UNK: variants seen among roughly 807,000 people sequenced by gnomAD.
The protein encoded by UNK is RING finger protein unkempt homolog.
UNK carries 32 observed loss-of-function variants against 97.6 expected under a neutral mutation model. The ratio of observed to expected loss-of-function variants is 0.33; its 90% CI spans 0.25 to 0.44. The LOEUF is 0.44. Among genes scored for constraint, UNK ranks in the 20% least tolerant of loss-of-function variants. The pLI, the probability that UNK is intolerant of heterozygous loss-of-function variation, is 1.00. For synonymous variants in UNK, 441 were observed against 461.2 expected, an observed-to-expected ratio of 0.96 and a Z score of 0.56; for missense variants, 771 against 1,098.4, an observed-to-expected ratio of 0.70 and a Z score of 4.21.
At chr17:75,822,825 G>A (rs541479351) in intron 14 of UNK, among the ~76,000 whole-genome samples, 167 bp downstream of exon 14, 2 of 152,384 alleles carry the variant, frequency 1.3e-5, no homozygotes, top group Admixed American at 6.5e-5. Context: ...CGCTTTGCCA[G>A]TCAGGACCCT....
intron 1 of UNK, chr17:75,808,888 T>C: frequency 6.6e-6 from 1 of 152,368 alleles, no homozygotes; most frequent in Non-Finnish European, 1.5e-5. Context: ...GTCTGGGGCC[T>C]TCCACTGGGT....
chr17:75,815,114 C>G, intron 6 of UNK, 55 bp from the exon 7 acceptor site: 3 of 1,543,894 alleles, frequency 1.9e-6, no homozygotes, highest in Admixed American at 1.7e-5. Context: ...GAAGGGGAGC[C>G]TGCCCGGCCT....
intron 1 of UNK, among the ~76,000 whole-genome samples, chr17:75,790,378 C>G (rs922339556): frequency 1.3e-5 from 2 of 152,092 alleles, no homozygotes; most frequent in African/African-American, 4.8e-5. Flanking sequence ...TAGCTATAGT[C>G]CCAACTCGTT....
Position 75,784,935 on chromosome 17 carries a change from G to A in UNK, c.55G>A (p.Ala19Thr). Reference sequence around the variant, plus strand: ...CGCAGCTTCCTCGGCGCCCCCGGCCGCTACCGCTCAGGTGCTGCAGGCACA... The same window carrying A: ...CGCAGCTTCCTCGGCGCCCCCGGCCACTACCGCTCAGGTGCTGCAGGCACA... ...GSAASSAPPA[A>T]TAQVLQAQPE... Residue 19 changes from alanine (A) to threonine (T), a missense_variant, in exon 1 of 16, where the codon GCT (alanine) becomes ACT (threonine). This residue lies in a region of UNK where 246 missense variants were observed against 440.7 expected (regional missense o/e 0.56). Transcript: ENST00000589666. 1 of 1,551,716 alleles carries A rather than the reference G, an allele frequency of 6.4e-7. No homozygotes were observed. The highest frequency in any genetic ancestry group is 8.7e-7 in the Non-Finnish European group (1 of 1,151,700).
chr17:75,825,205 C>G lies in UNK; in HGVS notation c.*788C>G, dbSNP rs1567813310. 6.6e-6 allele frequency: 1 copy of G among 152,092 alleles called. No individual in the cohort carries two copies. The highest frequency in any genetic ancestry group is 2.4e-5 in the African/African-American group (1 of 41,402). The allele number at this position is 152,092 out of a possible 1,614,324, so 9.4% of individuals were successfully genotyped here. ...TGAGGGTCCACCCTCAGTCCTTCCC[C>G]CCGCCGCCCCTCCCCGGACTCCCCA... is the stretch of plus-strand genomic sequence containing the variant. On this transcript the variant is annotated 3_prime_UTR_variant, in exon 16 of 16. Transcript: ENST00000589666. The surrounding 1 kb of genome is among the most constrained non-coding windows in gnomAD (Gnocchi z 4.4).
intron 1 of UNK, among the ~76,000 whole-genome samples, chr17:75,809,491 C>T (rs146843700): frequency 1.2e-3 from 183 of 152,358 alleles, no homozygotes; most frequent in African/African-American, 3.8e-3. Flanking sequence ...TGCTGATTAA[C>T]GCCACAGCTG....
Position 75,817,479 on chromosome 17 carries a change from A to C in UNK, c.1258A>C (p.Arg420=). The C allele has an allele frequency of 1.2e-6, 2 of 1,612,886 alleles. No homozygotes were observed. The highest frequency in any genetic ancestry group is 2.2e-5 in the South Asian group (2 of 91,022). The change falls in exon 9 of 16, where the codon AGG becomes CGG. Residue 420 remains arginine, a synonymous_variant. Coordinates refer to ENST00000589666, the MANE Select transcript of UNK (RefSeq NM_001080419.3). The surrounding 1 kb of genome is among the most constrained non-coding windows in gnomAD (Gnocchi z 5.8). ...GSYKKAPGFE[R]EDQVGAEYLK... is the part of the protein sequence containing the mutation. ...CTATAAGAAGGCTCCCGGCTTCGAGAGGGAAGACCAGGTGGGAGCCGAGTA... is the reference window on the plus strand; with the variant it reads ...CTATAAGAAGGCTCCCGGCTTCGAGCGGGAAGACCAGGTGGGAGCCGAGTA...
intron 1 of UNK, among the ~76,000 whole-genome samples, chr17:75,796,124 G>A (rs2061803671): frequency 6.6e-6 from 1 of 152,136 alleles, no homozygotes; most frequent in Non-Finnish European, 1.5e-5. Context: ...AAAGGCCAGT[G>A]TGGGATCAAA....
chr17:75,808,086 C>T (rs1599376596), intron 1 of UNK, among the ~76,000 whole-genome samples: 1 of 152,216 alleles, frequency 6.6e-6, no homozygotes, highest in Admixed American at 6.5e-5. Context: ...AAAGTTCCTT[C>T]TCTCCCATTT....
intron 1 of UNK, among the ~76,000 whole-genome samples, chr17:75,803,899 A>G (rs956024799): frequency 6.6e-6 from 1 of 152,232 alleles, no homozygotes; most frequent in Non-Finnish European, 1.5e-5. Context: ...GCTGCAGACT[A>G]GGTAATGTTT....
In UNK at chr17:75,818,587, C is replaced by G; in HGVS notation, c.1372-55C>G. Reference sequence around the variant, plus strand: ...CCCAGCCCCTCTCCAGCCTCTCGTCCTGGCCTCCGTATGCAGGCCTACCAT... The same window carrying G: ...CCCAGCCCCTCTCCAGCCTCTCGTCGTGGCCTCCGTATGCAGGCCTACCAT... On this transcript the variant is annotated intron_variant, in intron 10 of 15. Coordinates refer to ENST00000589666, the MANE Select transcript of UNK (RefSeq NM_001080419.3). This position sits in a 1 kb window ranked among gnomAD's most constrained non-coding sequence, Gnocchi z 5.1. The G allele has an allele frequency of 6.5e-7, 1 of 1,527,360 alleles. No individual in the cohort carries two copies. Among genetic ancestry groups the G allele is most frequent in the Non-Finnish European group, 8.8e-7 (1 of 1,130,986 alleles). The allele number at this position is 1,527,360 out of a possible 1,614,324, so 94.6% of individuals were successfully genotyped here. A position where few individuals can be genotyped will look rare whatever the true frequency, so the allele number is the denominator to read the frequency against.
At chr17:75,801,342 G>T (rs2061856119) in intron 1 of UNK, among the ~76,000 whole-genome samples, 1 of 152,008 alleles carries the variant, frequency 6.6e-6, no homozygotes, top group Non-Finnish European at 1.5e-5. Flanking sequence ...ACATTTGGTG[G>T]CAAAGCACCC....
Position 75,818,513 on chromosome 17 carries a change from G to A in UNK, c.1372-129G>A, listed in dbSNP as rs2062036853. The A allele has an allele frequency of 1.8e-6, 2 of 1,105,278 alleles. No homozygotes were observed. Among genetic ancestry groups the A allele is most frequent in the African/African-American group, 1.6e-5 (1 of 63,142 alleles). 68.5% of individuals were successfully genotyped at this position (1,105,278 alleles called of 1,614,324 possible). On this transcript the variant is annotated intron_variant, in intron 10 of 15. Transcript: ENST00000589666. This position sits in a 1 kb window ranked among gnomAD's most constrained non-coding sequence, Gnocchi z 5.1. ...GTGTCGGGTGTGCCGGGGCCCATGT[G>A]GGCATGGGGGCACCCGGACTAGAGC...
intron 1 of UNK, among the ~76,000 whole-genome samples, chr17:75,786,924 T>C (rs527291965): frequency 1.3e-5 from 2 of 152,110 alleles, no homozygotes; most frequent in Non-Finnish European, 2.9e-5. Context: ...TATAGAGTAA[T>C]GGGACCTGGC....
chr17:75,819,615 G>T lies in UNK; in HGVS notation c.1547-69G>T. The T allele has an allele frequency of 7.0e-7, 1 of 1,422,800 alleles. No homozygotes were observed. Among genetic ancestry groups the T allele is most frequent in the Non-Finnish European group, 9.9e-7 (1 of 1,007,570 alleles). 88.1% of individuals were successfully genotyped at this position (1,422,800 alleles called of 1,614,324 possible). On this transcript the variant is annotated intron_variant, in intron 11 of 15. Coordinates refer to ENST00000589666, the MANE Select transcript of UNK (RefSeq NM_001080419.3). This position sits in a 1 kb window ranked among gnomAD's most constrained non-coding sequence, Gnocchi z 5.4. ...GCATGGGCGTGAAGATGCAGCGTGG[G>T]CAGTAGACGAGGTGGTCAGGGTCAG... is the stretch of plus-strand genomic sequence containing the variant.
intron 13 of UNK, chr17:75,821,406 C>T (rs1220131526): frequency 2.2e-6 from 1 of 455,916 alleles, no homozygotes; most frequent in South Asian, 1.6e-5. Context: ...AGGGGCCTAC[C>T]TGGACAGCAG....
intron 1 of UNK, among the ~76,000 whole-genome samples, chr17:75,786,850 T>TC (rs1203903619): frequency 3.3e-5 from 5 of 151,670 alleles, no homozygotes; most frequent in African/African-American, 4.9e-5. Flanking sequence ...AGAGCAAAAC[T>TC]CCGTCTCAAA....
At chr17:75,800,122 G>C (rs776528571) in intron 1 of UNK, among the ~76,000 whole-genome samples, 1 of 152,142 alleles carries the variant, frequency 6.6e-6, no homozygotes, top group Non-Finnish European at 1.5e-5. Flanking sequence ...TGGCTGGAGT[G>C]CAGTGGCACA....
chr17:75,786,181 T>C (rs1474418585), intron 1 of UNK, among the ~76,000 whole-genome samples: 6 of 152,260 alleles, frequency 3.9e-5, no homozygotes, highest in African/African-American at 4.8e-5. Context: ...TTTTCTGATA[T>C]GGACATTGCT....
Sources: allele counts gnomAD v4.1 joint callset (sites outside exome capture counted in the v4.1 genomes callset), GRCh38; gene constraint gnomAD v4.1.1; regional missense constraint gnomAD v4.1.1; non-coding constraint Gnocchi (gnomAD v3.1); transcripts MANE v1.5; gene names NCBI Gene and HGNC (gene_info 2026-07-23, HGNC 2026-07-21).